Variants in RGS3 observed in about 807,000 individuals in gnomAD.
The protein encoded by RGS3 is regulator of G-protein signalling 3.
In RGS3, 80 loss-of-function variants were observed where a neutral mutation model predicts 132.6. That is an observed-to-expected ratio of 0.60 (90% CI 0.50 to 0.73). RGS3 has a LOEUF of 0.73. RGS3 is among the 30% of genes least tolerant of loss of function. RGS3 has a pLI of 0.00. For synonymous variants in RGS3, 598 were observed against 620.6 expected (o/e 0.96, Z 0.54); for missense variants, 1,382 against 1,530.8 (o/e 0.90, Z 1.62).
chr9:113,541,452 T>C, intron 19 of RGS3: 2 of 1,609,936 alleles, frequency 1.2e-6, no homozygotes, highest in Non-Finnish European at 1.7e-6. Context: ...GGGACTCTGC[T>C]TCTGGCAACT....
chr9:113,487,100 CTTTTTTTTTT>C (rs60523804), intron 7 of RGS3, among the ~76,000 whole-genome samples: 2 of 116,964 alleles, frequency 1.7e-5, no homozygotes, highest in African/African-American at 6.4e-5. Context: ...TCATTTAATT[CTTTTTTTTTT>C]TTTTTTTTTT....
At chr9:113,483,318 C>T (rs1830224045) in intron 5 of RGS3, among the ~76,000 whole-genome samples, 1 of 152,156 alleles carries the variant, frequency 6.6e-6, no homozygotes, top group Non-Finnish European at 1.5e-5. Context: ...CCTGGGGCTT[C>T]CTGCAACAGC....
intron 7 of RGS3, among the ~76,000 whole-genome samples, chr9:113,486,215 T>C (rs1055291055): frequency 2.0e-5 from 3 of 152,122 alleles, no homozygotes; most frequent in African/African-American, 7.2e-5. Context: ...TTCACTGTGG[T>C]CTGAGATGAT....
At chr9:113,576,666 A>C (rs1423398694) in intron 19 of RGS3, among the ~76,000 whole-genome samples, 1 of 152,262 alleles carries the variant, frequency 6.6e-6, no homozygotes, top group East Asian at 1.9e-4. Flanking sequence ...CAAACACTTC[A>C]GGTGGGGAGT....
chr9:113,507,382 A>G lies in RGS3; in HGVS notation c.1181A>G (p.Lys394Arg), dbSNP rs1564501916. Residue 394 changes from lysine to arginine, a missense_variant, in exon 13 of 25, where the codon AAG becomes AGG. Lys to Arg is a conservative substitution (Grantham distance 26, BLOSUM62 2). Coordinates refer to ENST00000350696, the Ensembl canonical transcript of RGS3. This position sits in a 1 kb window ranked among gnomAD's most constrained non-coding sequence, Gnocchi z 5.0. ...GGGGTCCTGCGGCGGGCCTCCTGCA[A>G]GTCGACACATGACCTCCAGTCACCC... is the stretch of plus-strand genomic sequence containing the variant. 1 of 1,613,826 alleles carries G rather than the reference A, an allele frequency of 6.2e-7. No individual in the cohort carries two copies. The highest frequency in any genetic ancestry group is 8.5e-7 in the Non-Finnish European group (1 of 1,180,012).
chr9:113,514,340 A>G lies in RGS3; in HGVS notation c.1478-118A>G, dbSNP rs1220164788. 11 of 919,244 alleles carry G rather than the reference A, an allele frequency of 1.2e-5. 1 individual carries two copies. The South Asian group carries it at 1.8e-4, about 15-fold the overall frequency. 56.9% of individuals were successfully genotyped at this position (919,244 alleles called of 1,614,324 possible). On this transcript the variant is annotated intron_variant, in intron 14 of 24. Coordinates refer to ENST00000350696, the Ensembl canonical transcript of RGS3. Reference sequence around the variant, plus strand: ...GCATCGTGCGCAGGGCCTGGCACAAAGTAGCTGCTCAGAAAGTGGTTGTTG... The same window carrying G: ...GCATCGTGCGCAGGGCCTGGCACAAGGTAGCTGCTCAGAAAGTGGTTGTTG...
At chr9:113,467,982 TC>T (rs1430606894) in intron 3 of RGS3, among the ~76,000 whole-genome samples, 1 of 152,240 alleles carries the variant, frequency 6.6e-6, no homozygotes, top group Non-Finnish European at 1.5e-5. Context: ...TGCCTTGGCC[TC>T]CCAAAGTGCT....
intron 24 of RGS3, 26 bp from the exon 23 acceptor site, chr9:113,596,742 G>C (rs773134024): frequency 4.0e-5 from 64 of 1,592,516 alleles, no homozygotes; most frequent in Non-Finnish European, 5.4e-5. Context: ...AGGCAGCCCT[G>C]ACCATGTCCC....
chr9:113,456,060 T>G (rs111338614), upstream of RGS3, among the ~76,000 whole-genome samples: 5,833 of 152,318 alleles, frequency 0.038, 156 homozygotes, highest in South Asian at 0.098. Context: ...CTACTGGACC[T>G]CTTAACAATA....
intron 13 of RGS3, 89 bp from the exon 12 acceptor site, chr9:113,508,452 C>T (rs999520078): frequency 2.1e-6 from 3 of 1,458,564 alleles, no homozygotes; most frequent in Middle Eastern, 2.0e-4. Context: ...TCCACTTCCT[C>T]TCCCCTGGGG....
upstream of RGS3, among the ~76,000 whole-genome samples, chr9:113,455,566 C>T (rs187079942): frequency 2.8e-4 from 42 of 152,280 alleles, 1 homozygote; most frequent in Admixed American, 2.7e-3. Context: ...TGGTCTCTTC[C>T]ACTTTGAAGC....
intron 19 of RGS3, among the ~76,000 whole-genome samples, chr9:113,544,789 C>G (rs547293193): frequency 3.3e-5 from 5 of 152,308 alleles, no homozygotes; most frequent in African/African-American, 9.6e-5. Flanking sequence ...AAGCCAAGGC[C>G]TTTGAACCTA....
Position 113,506,140 on chromosome 9 carries a change from G to C in RGS3, c.980-248G>C, listed in dbSNP as rs936236284. The stretch of plus-strand genomic sequence containing the variant: ...CGGGTAGAAGGGTGGACTGCAGAGA[G>C]GTAAGCCAGCAGTAGGGGAGGTAAG... On this transcript the variant is annotated intron_variant, in intron 11 of 24. Coordinates refer to ENST00000350696, the Ensembl canonical transcript of RGS3. The surrounding 1 kb of genome is among the most constrained non-coding windows in gnomAD (Gnocchi z 4.7). 6.6e-6 allele frequency among the ~76,000 whole-genome samples: 1 copy of C among 152,048 alleles called. No homozygotes were observed. The highest frequency in any genetic ancestry group is 1.5e-5 in the Non-Finnish European group (1 of 68,012).
chr9:113,542,212 A>T (rs1832933514), intron 19 of RGS3: 1 of 151,892 alleles, frequency 6.6e-6, no homozygotes, highest in African/African-American at 2.4e-5. Flanking sequence ...TTCGCGGTGG[A>T]TGGAATAGCA....
chr9:113,572,954 G>C (rs1834356523), intron 19 of RGS3, among the ~76,000 whole-genome samples: 1 of 152,244 alleles, frequency 6.6e-6, no homozygotes. Context: ...TCCCGGAATT[G>C]GATGCAGGAG....
chr9:113,447,431 A>T (rs1829139521), intron 1 of RGS3, among the ~76,000 whole-genome samples: 1 of 138,788 alleles, frequency 7.2e-6, no homozygotes, highest in African/African-American at 2.6e-5. Context: ...TGCCAGTGTA[A>T]TTAGAATTCC....
chr9:113,505,148 G>C, intron 10 of RGS3: 1 of 439,612 alleles, frequency 2.3e-6, no homozygotes, highest in Non-Finnish European at 4.2e-6. Context: ...TGGGGCTGCT[G>C]GGGCTCAGGA....
Position 113,565,333 on chromosome 9 carries a change from C to G in RGS3, c.2038-18117C>G. On this transcript the variant is annotated intron_variant, in intron 19 of 24. Coordinates refer to ENST00000350696, the Ensembl canonical transcript of RGS3. This position sits in a 1 kb window ranked among gnomAD's most constrained non-coding sequence, Gnocchi z 5.7. ...TGGAAGAAAGAAATCCAGCCTCTCT[C>G]CAGAGTGGCGGTGGCCGGCTAGACA... 1 of 1,289,744 alleles carries G rather than the reference C, an allele frequency of 7.8e-7. No individual in the cohort carries two copies. The highest frequency in any genetic ancestry group is 1.0e-6 in the Non-Finnish European group (1 of 988,816). 79.9% of individuals were successfully genotyped at this position (1,289,744 alleles called of 1,614,324 possible). A position where few individuals can be genotyped will look rare whatever the true frequency, so the allele number is the denominator to read the frequency against.
chr9:113,567,759 A>T (rs1834076983), intron 19 of RGS3, among the ~76,000 whole-genome samples: 1 of 152,184 alleles, frequency 6.6e-6, no homozygotes, highest in Non-Finnish European at 1.5e-5. Flanking sequence ...GGCTTGTTGA[A>T]ATGCAATGCT....
Sources: allele counts gnomAD v4.1 joint callset (sites outside exome capture counted in the v4.1 genomes callset), GRCh38; gene constraint gnomAD v4.1.1; non-coding constraint Gnocchi (gnomAD v3.1); transcripts MANE v1.5; gene names NCBI Gene and HGNC (gene_info 2026-07-23, HGNC 2026-07-21).